Variants in LEPR observed in about 807,000 individuals in gnomAD.
LEPR encodes OB receptor.
In LEPR, 56 loss-of-function variants were observed where a neutral mutation model predicts 114.7. The ratio of observed to expected loss-of-function variants is 0.49; its 90% CI spans 0.39 to 0.61. LEPR has a LOEUF of 0.61. Ranked by LOEUF, LEPR falls within the 20% of genes least tolerant of loss-of-function variation. The pLI is 0.00. For missense variants in LEPR, 1,202 were observed against 1,352.9 expected, an observed-to-expected ratio of 0.89 and a Z score of 1.75; for synonymous variants, 443 against 461.4, an observed-to-expected ratio of 0.96 and a Z score of 0.51.
At chr1:65,622,321 T>C (rs569252317) in intron 18 of LEPR, among the ~76,000 whole-genome samples, 5 of 152,220 alleles carry the variant, frequency 3.3e-5, no homozygotes, top group African/African-American at 1.2e-4. Flanking sequence ...AGCAGTCAGT[T>C]CATTTATGAT....
At chr1:65,548,696 G>C (rs144651674) in intron 2 of LEPR, among the ~76,000 whole-genome samples, 9,683 of 152,076 alleles carry the variant, frequency 0.064, 501 homozygotes, top group South Asian at 0.27. Context: ...TTGAGCCTAT[G>C]TGTGTCTCTG....
At chr1:65,519,668 T>G (rs893610166) in intron 2 of LEPR, among the ~76,000 whole-genome samples, 2 of 151,874 alleles carry the variant, frequency 1.3e-5, no homozygotes, top group Admixed American at 6.5e-5. Context: ...TTCTAACAAC[T>G]CTACTTCCTC....
At chr1:65,559,992 C>G (rs1293930058) in intron 2 of LEPR, among the ~76,000 whole-genome samples, 1 of 146,740 alleles carries the variant, frequency 6.8e-6, no homozygotes, top group Non-Finnish European at 1.5e-5. Context: ...TGTAATGCCT[C>G]CAGCTTTGTT....
At chr1:65,436,090 G>A (rs960381411) in intron 2 of LEPR, 6 of 984,280 alleles carry the variant, frequency 6.1e-6, no homozygotes, top group Non-Finnish European at 7.2e-6. Flanking sequence ...AGATCAGCAA[G>A]TTAATTTTCC....
chr1:65,558,269 A>G (rs975646197), intron 2 of LEPR, among the ~76,000 whole-genome samples: 1 of 152,212 alleles, frequency 6.6e-6, no homozygotes, highest in African/African-American at 2.4e-5. Context: ...TAGAAATCCT[A>G]AAGAACCATT....
At chr1:65,539,258 T>C (rs1033221635) in intron 2 of LEPR, among the ~76,000 whole-genome samples, 30 of 152,148 alleles carry the variant, frequency 2.0e-4, no homozygotes, top group African/African-American at 7.2e-4. Flanking sequence ...AAGCTTTTTT[T>C]TTTTTCTTTA....
chr1:65,477,327 G>A (rs1277968133), intron 2 of LEPR, among the ~76,000 whole-genome samples: 2 of 152,174 alleles, frequency 1.3e-5, no homozygotes, highest in Non-Finnish European at 2.9e-5. Flanking sequence ...CTCCATAAGG[G>A]CAGAGATTTT....
At position 65,456,116 on chromosome 1, in the gene LEPR, A is replaced by C. The variant is rs554112175; in HGVS notation, c.-21+30738A>C. Among the ~76,000 whole-genome samples, 11 of 152,206 alleles carry C rather than the reference A, an allele frequency of 7.2e-5. No homozygotes were observed. In the South Asian group the frequency reaches 2.1e-3, roughly 29 times the overall value. On this transcript the variant is annotated intron_variant, in intron 2 of 19. Transcript: ENST00000349533. ...CCTGACCCCTTGCGCTTCCCGAGTG[A>C]GGCAATGCCTCGCCCAGCTTCGGCT...
chr1:65,634,181 GT>G (rs1342161648), intron 19 of LEPR: 1 of 984,560 alleles, frequency 1.0e-6, no homozygotes, highest in Admixed American at 6.2e-5. Context: ...CAACGACTAT[GT>G]TTAATGAACT....
intron 2 of LEPR, among the ~76,000 whole-genome samples, chr1:65,504,951 T>C (rs1648648100): frequency 6.6e-6 from 1 of 152,216 alleles, no homozygotes; most frequent in Non-Finnish European, 1.5e-5. Flanking sequence ...TTTTACCCCA[T>C]TCCAATTAAA....
At chr1:65,444,026 A>G (rs1646682855) in intron 2 of LEPR, among the ~76,000 whole-genome samples, 1 of 31,670 alleles carries the variant, frequency 3.2e-5, no homozygotes. Context: ...TTACATATGT[A>G]TACATGTGCC....
chr1:65,441,356 C>T (rs1389997753), intron 2 of LEPR, among the ~76,000 whole-genome samples: 1 of 152,028 alleles, frequency 6.6e-6, no homozygotes, highest in Non-Finnish European at 1.5e-5. Context: ...CAGGTGGTGA[C>T]CCTAGGAGCT....
chr1:65,566,812 A>G (rs915825324), intron 3 of LEPR, among the ~76,000 whole-genome samples: 1 of 152,212 alleles, frequency 6.6e-6, no homozygotes, highest in Non-Finnish European at 1.5e-5. Context: ...TCCTTGTGGT[A>G]CATACTTCTC....
At chr1:65,454,695 T>A (rs1646841839) in intron 2 of LEPR, among the ~76,000 whole-genome samples, 1 of 152,328 alleles carries the variant, frequency 6.6e-6, no homozygotes, top group East Asian at 1.9e-4. Flanking sequence ...ACCCAACCTT[T>A]CTCTCTGGCT....
intron 5 of LEPR, among the ~76,000 whole-genome samples, chr1:65,581,408 A>G (rs962987343): frequency 3.3e-5 from 5 of 151,234 alleles, no homozygotes; most frequent in Admixed American, 2.0e-4. Context: ...TTGTTTTCAC[A>G]GCCTGCTTTC....
chr1:65,569,539 T>A lies in LEPR; in HGVS notation c.41-934T>A, dbSNP rs562635506. Among the ~76,000 whole-genome samples the A allele has an allele frequency of 2.0e-5, 3 of 152,086 alleles. No individual in the cohort carries two copies. The East Asian group carries it at 5.8e-4, about 29-fold the overall frequency. On this transcript the variant is annotated intron_variant, in intron 3 of 19. Coordinates refer to ENST00000349533, the MANE Select transcript of LEPR (RefSeq NM_002303.6). Reference sequence around the variant, plus strand: ...CTGGCCAACATGGCAAAACCCCGTCTCTACTAAAAGTACAAAAATTAACCG... The same window carrying A: ...CTGGCCAACATGGCAAAACCCCGTCACTACTAAAAGTACAAAAATTAACCG...
At chr1:65,567,610 A>G (rs1464223962) in intron 3 of LEPR, among the ~76,000 whole-genome samples, 2 of 152,206 alleles carry the variant, frequency 1.3e-5, no homozygotes, top group Admixed American at 6.5e-5. Flanking sequence ...ATTTATATCT[A>G]TAGAAATCTT....
chr1:65,518,901 CTTTCTT>C (rs920097150), intron 2 of LEPR, among the ~76,000 whole-genome samples: 4 of 94,028 alleles, frequency 4.3e-5, no homozygotes, highest in South Asian at 3.3e-4. Flanking sequence ...TTCTTTCTTT[CTTTCTT>C]TCTTTCTTTC....
At chr1:65,586,791 G>A (rs1655346610) in intron 5 of LEPR, among the ~76,000 whole-genome samples, 1 of 152,000 alleles carries the variant, frequency 6.6e-6, no homozygotes, top group East Asian at 1.9e-4. Flanking sequence ...TTAGCTGTTG[G>A]CATGGTTACA....
Sources: gnomAD v4.1 joint callset for allele counts (sites outside exome capture counted in the v4.1 genomes callset) on GRCh38, gnomAD v4.1.1 for gene constraint, MANE v1.5 for transcripts, NCBI Gene and HGNC (gene_info 2026-07-23, HGNC 2026-07-21) for gene names.